PLA2G15: variants seen among roughly 807,000 people sequenced by gnomAD.
The protein encoded by PLA2G15 is lysosomal phospholipase A and acyltransferase.
PLA2G15 carries 20 observed loss-of-function variants against 40.9 expected under a neutral mutation model. The ratio of observed to expected loss-of-function variants is 0.49; its 90% CI spans 0.34 to 0.71. The LOEUF (loss-of-function observed/expected upper bound fraction) is 0.71, where lower values mean the gene tolerates loss of function less well. Among genes scored for constraint, PLA2G15 ranks in the 30% least tolerant of loss-of-function variants. PLA2G15 has a pLI of 0.01. For synonymous variants in PLA2G15, 223 were observed against 228.2 expected (o/e 0.98, Z 0.21); for missense variants, 471 against 541.9 (o/e 0.87, Z 1.30).
At chr16:68,258,059 G>A (rs2042415454) in intron 5 of PLA2G15, among the ~76,000 whole-genome samples, 1 of 152,156 alleles carries the variant, frequency 6.6e-6, no homozygotes, top group South Asian at 2.1e-4. Flanking sequence ...GGGGTGATGG[G>A]TGACCATGGA....
At chr16:68,256,183 T>C (rs2042400579) in intron 5 of PLA2G15, 193 bp downstream of exon 5, 1 of 557,346 alleles carries the variant, frequency 1.8e-6, no homozygotes, top group Non-Finnish European at 3.2e-6. Flanking sequence ...AAGCATTTAA[T>C]AGGGACATAC....
intron 5 of PLA2G15, among the ~76,000 whole-genome samples, chr16:68,257,920 C>G (rs573659017): frequency 1.3e-5 from 2 of 152,096 alleles, no homozygotes; most frequent in African/African-American, 4.8e-5. Context: ...GTGTGTGGTG[C>G]GGGGAGGTGG....
At chr16:68,248,698 T>C (rs2151201770) in intron 1 of PLA2G15, 1 of 994,386 alleles carries the variant, frequency 1.0e-6, no homozygotes, top group East Asian at 1.1e-4. Context: ...CGAAGGTATA[T>C]ATCTAATGAC....
Position 68,255,379 on chromosome 16 carries a change from A to G in PLA2G15, c.501A>G (p.Pro167=). The part of the protein sequence containing the change: ...RGAPYDWRRA[P]NENGPYFLAL... ...CTCCCTATGACTGGCGCCGAGCCCC[A>G]AGTAAGCAGGCACTCTCATTCCCTC... The change falls in exon 4 of 6, where the codon CCA becomes CCG. Residue 167 remains proline (P), a splice_region_variant and synonymous_variant. Transcript: ENST00000219345. This position sits in a 1 kb window ranked among gnomAD's most constrained non-coding sequence, Gnocchi z 5.9. The G allele has an allele frequency of 6.2e-7, 1 of 1,605,762 alleles. No homozygotes were observed. The highest frequency in any genetic ancestry group is 8.5e-7 in the Non-Finnish European group (1 of 1,174,644).
At chr16:68,245,592 G>C in intron 1 of PLA2G15, 39 bp downstream of exon 1, 2 of 1,546,566 alleles carry the variant, frequency 1.3e-6, no homozygotes, top group Non-Finnish European at 1.7e-6. Context: ...TCGGTCGGGC[G>C]GGACGGGCCG....
At chr16:68,253,521 C>T (rs1029845047) in intron 2 of PLA2G15, 10 of 408,298 alleles carry the variant, frequency 2.4e-5, no homozygotes, top group African/African-American at 4.2e-5. Context: ...ATTACAGGTA[C>T]ACGTCACCAT....
rs1351007183 is a variant in PLA2G15 at position 68,255,083 on chromosome 16, C to T, written c.403+46C>T. ...GCCTCCGGGAGCTGGGATGGGGTTT[C>T]TGCCGGACTGGAGCTGGAGCTGGAG... is the stretch of plus-strand genomic sequence containing the variant. On this transcript the variant is annotated intron_variant, in intron 3 of 5. Coordinates refer to ENST00000219345, the MANE Select transcript of PLA2G15 (RefSeq NM_012320.4). This position sits in a 1 kb window ranked among gnomAD's most constrained non-coding sequence, Gnocchi z 5.9. 1.5e-6 allele frequency: 2 copies of T among 1,297,560 alleles called. No individual in the cohort carries two copies. Among genetic ancestry groups the T allele is most frequent in the East Asian group, 2.3e-5 (1 of 43,410 alleles). The allele number at this position is 1,297,560 out of a possible 1,614,324, so 80.4% of individuals were successfully genotyped here.
At chr16:68,249,559 A>G (rs1481658384) in intron 2 of PLA2G15, 113 bp downstream of exon 2, 1 of 996,310 alleles carries the variant, frequency 1.0e-6, no homozygotes, top group Non-Finnish European at 1.5e-6. Flanking sequence ...CTCCTTCCCC[A>G]GGTCCTCGGT....
In PLA2G15 at chr16:68,245,380, C is replaced by T. The variant is rs2042298479; in HGVS notation, c.-47C>T. On this transcript the variant is annotated 5_prime_UTR_variant, in exon 1 of 6. Transcript: ENST00000219345. ...CACCGCCCCCGCCTAGGCGAGAGCC[C>T]AGAGAGCTGAACCTGCATCCCGGAC... 6.3e-7 allele frequency: 1 copy of T among 1,590,696 alleles called. No individual in the cohort carries two copies. Among genetic ancestry groups the T allele is most frequent in the East Asian group, 2.2e-5 (1 of 44,530 alleles).
At chr16:68,256,594 A>G (rs1198342740) in intron 5 of PLA2G15, among the ~76,000 whole-genome samples, 1 of 151,922 alleles carries the variant, frequency 6.6e-6, no homozygotes, top group African/African-American at 2.4e-5. Context: ...TCTCACTGCA[A>G]CCTCTGCCTC....
chr16:68,250,759 A>G (rs1207720981), intron 2 of PLA2G15, among the ~76,000 whole-genome samples: 1 of 152,220 alleles, frequency 6.6e-6, no homozygotes, highest in East Asian at 1.9e-4. Context: ...ATGCACCTGT[A>G]GTCCCAGCTA....
chr16:68,253,122 G>A (rs1289303270), intron 2 of PLA2G15, among the ~76,000 whole-genome samples: 1 of 152,184 alleles, frequency 6.6e-6, no homozygotes, highest in Non-Finnish European at 1.5e-5. Flanking sequence ...ACAGCCCTGG[G>A]GTACTGGGAG....
chr16:68,252,495 C>G, intron 2 of PLA2G15: 1 of 455,572 alleles, frequency 2.2e-6, no homozygotes, highest in South Asian at 1.6e-5. Flanking sequence ...CTGTTCCCAT[C>G]ATTTCTTCAG....
At chr16:68,253,320 C>G (rs1162320288) in intron 2 of PLA2G15, 8 of 355,588 alleles carry the variant, frequency 2.2e-5, no homozygotes, top group Non-Finnish European at 4.5e-5. Flanking sequence ...TCCTACCTGC[C>G]TACCCACCCA....
At position 68,259,763 on chromosome 16, in the gene PLA2G15, CCCCG is replaced by C; in HGVS notation, c.*107_*110del. On this transcript the variant is annotated 3_prime_UTR_variant, in exon 6 of 6. Coordinates refer to ENST00000219345, the MANE Select transcript of PLA2G15 (RefSeq NM_012320.4). The surrounding 1 kb of genome is among the most constrained non-coding windows in gnomAD (Gnocchi z 6.5). ...AAAGTTTGTGACTCACCATTCAAGGCCCCGAGTCTTGGACTGTGAAGCATCTGCC... is the reference window on the plus strand; with the variant it reads ...AAAGTTTGTGACTCACCATTCAAGGCAGTCTTGGACTGTGAAGCATCTGCC... 9.6e-7 allele frequency: 1 copy of C among 1,043,222 alleles called. No homozygotes were observed. The highest frequency in any genetic ancestry group is 1.4e-6 in the Non-Finnish European group (1 of 716,836). The allele number at this position is 1,043,222 out of a possible 1,614,324, so 64.6% of individuals were successfully genotyped here. A position where few individuals can be genotyped will look rare whatever the true frequency, so the allele number is the denominator to read the frequency against.
Position 68,255,504 on chromosome 16 carries a change from TC to T in PLA2G15, c.502+126del. ...GTCTCCTGTCCCTGGGCCTCTGGCA[TC>T]CAGTCTAGTGGTCACAGCCACCACC... is the stretch of plus-strand genomic sequence containing the variant. On this transcript the variant is annotated intron_variant, in intron 4 of 5. Transcript: ENST00000219345. The surrounding 1 kb of genome is among the most constrained non-coding windows in gnomAD (Gnocchi z 5.9). 1.5e-6 allele frequency: 1 copy of T among 689,056 alleles called. No individual in the cohort carries two copies. The highest frequency in any genetic ancestry group is 2.5e-6 in the Non-Finnish European group (1 of 406,862). The allele number at this position is 689,056 out of a possible 1,614,324, so 42.7% of individuals were successfully genotyped here.
rs1329845653 is a variant in PLA2G15 at position 68,255,003 on chromosome 16, A to G, written c.369A>G (p.Ser123=). The G allele has an allele frequency of 6.2e-7, 1 of 1,613,548 alleles. No homozygotes were observed. The highest frequency in any genetic ancestry group is 8.5e-7 in the Non-Finnish European group (1 of 1,179,574). ...TCCCTGGCTTTGGGAAGACCTTCTC[A>G]CTGGAGTTCCTGGACCCCAGCAAAA... ...VRVPGFGKTF[S]LEFLDPSKSS... Residue 123 remains serine (S), a synonymous_variant, in exon 3 of 6, where the codon TCA becomes TCG. Transcript: ENST00000219345. The surrounding 1 kb of genome is among the most constrained non-coding windows in gnomAD (Gnocchi z 5.9).
Position 68,255,999 on chromosome 16 carries a change from C to G in PLA2G15, c.727+9C>G, listed in dbSNP as rs2042398843. 1.3e-6 allele frequency: 2 copies of G among 1,564,608 alleles called. No homozygotes were observed. The stretch of plus-strand genomic sequence containing the variant: ...GCGCGTCCTGGCTTCAGGTAAGACC[C>G]TACCTGGCCCAGCGTGGGGGGCTGT... On this transcript the variant is annotated intron_variant, in intron 5 of 5. Coordinates refer to ENST00000219345, the MANE Select transcript of PLA2G15 (RefSeq NM_012320.4). The surrounding 1 kb of genome is among the most constrained non-coding windows in gnomAD (Gnocchi z 5.9).
Position 68,255,962 on chromosome 16 carries a change from G to A in PLA2G15, c.699G>A (p.Val233=). ...FVSLGAPWGG[V]AKTLRVLASG... ...CACTGGGTGCGCCCTGGGGGGGCGT[G>A]GCCAAGACCCTGCGCGTCCTGGCTT... Residue 233 remains valine (V), a synonymous_variant, in exon 5 of 6, where the codon GTG becomes GTA. Coordinates refer to ENST00000219345, the MANE Select transcript of PLA2G15 (RefSeq NM_012320.4). This position sits in a 1 kb window ranked among gnomAD's most constrained non-coding sequence, Gnocchi z 5.9. 1 of 1,609,420 alleles carries A rather than the reference G, an allele frequency of 6.2e-7. No individual in the cohort carries two copies. Among genetic ancestry groups the A allele is most frequent in the South Asian group, 1.1e-5 (1 of 90,890 alleles).
Sources: gnomAD v4.1 joint callset for allele counts (sites outside exome capture counted in the v4.1 genomes callset) on GRCh38, gnomAD v4.1.1 for gene constraint, Gnocchi (gnomAD v3.1) non-coding constraint, MANE v1.5 for transcripts, NCBI Gene and HGNC (gene_info 2026-07-23, HGNC 2026-07-21) for gene names.